The following ERC2 variants were observed in gnomAD, a reference collection of about 807,000 sequenced individuals.
ERC2 encodes the protein ELKS/RAB6-interacting/CAST family member 2.
In ERC2, 42 loss-of-function variants were observed where a neutral mutation model predicts 114.8. The observed-to-expected ratio is 0.37, with a 90% CI of 0.29 to 0.47. ERC2 has a LOEUF of 0.47. Ranked by LOEUF, ERC2 falls within the 20% of genes least tolerant of loss-of-function variation. The pLI is 0.99. For missense variants in ERC2, 939 were observed against 1,150.7 expected, an observed-to-expected ratio of 0.82 and a Z score of 2.66; for synonymous variants, 454 against 425.5, an observed-to-expected ratio of 1.07 and a Z score of -0.82.
At chr3:56,051,165 T>C (rs1343572603) in intron 7 of ERC2, among the ~76,000 whole-genome samples, 1 of 152,172 alleles carries the variant, frequency 6.6e-6, no homozygotes, top group African/African-American at 2.4e-5. Flanking sequence ...TTTGCTCTGC[T>C]TGTTGGGAAG....
intron 7 of ERC2, among the ~76,000 whole-genome samples, chr3:56,062,193 C>G: frequency 6.6e-6 from 1 of 152,242 alleles, no homozygotes; most frequent in South Asian, 2.1e-4. Context: ...ATGGTACTTA[C>G]ATGTAAGCTA....
rs559070127 is a variant in ERC2, at chr3:56,068,919, CA to C, written c.1641+11897del. 2.0e-4 allele frequency among the ~76,000 whole-genome samples: 31 copies of C among 152,268 alleles called. No individual in the cohort carries two copies. In the South Asian group the frequency reaches 6.2e-3, roughly 31 times the overall value. Reference sequence around the variant, plus strand: ...GTGGTCTGAGAGACTGTTATGATTTCAGTTCTTTTGCATTTGCTGAGGAGTG... The same window carrying C: ...GTGGTCTGAGAGACTGTTATGATTTCGTTCTTTTGCATTTGCTGAGGAGTG... On this transcript the variant is annotated intron_variant, in intron 7 of 17. Transcript: ENST00000288221.
chr3:55,698,940 C>A (rs537900873), intron 16 of ERC2, among the ~76,000 whole-genome samples: 112 of 152,298 alleles, frequency 7.4e-4, no homozygotes, highest in Non-Finnish European at 1.4e-3. Flanking sequence ...AAACGGATTT[C>A]TCTCCTTGTT....
At chr3:55,651,986 C>T (rs2590722) in intron 17 of ERC2, among the ~76,000 whole-genome samples, 139,583 of 152,264 alleles carry the variant, frequency 0.92, 64,180 homozygotes, top group East Asian at 1. Context: ...TCTGCTGTCC[C>T]AGAAAAGCTC....
intron 1 of ERC2, among the ~76,000 whole-genome samples, chr3:56,459,010 G>A (rs1210078192): frequency 6.6e-6 from 1 of 152,122 alleles, no homozygotes; most frequent in Admixed American, 6.5e-5. Context: ...ATGCCCACCA[G>A]TATCACTGAG....
At chr3:55,950,392 AT>A (rs1219765338) in intron 13 of ERC2, 32 bp downstream of exon 13, 1 of 1,610,850 alleles carries the variant, frequency 6.2e-7, no homozygotes, top group Non-Finnish European at 8.5e-7. Context: ...ATCTCTAGTT[AT>A]TTAGCGATTA....
chr3:56,302,711 T>G (rs2055962901), intron 2 of ERC2, among the ~76,000 whole-genome samples: 1 of 152,224 alleles, frequency 6.6e-6, no homozygotes, highest in South Asian at 2.1e-4. Context: ...TCTTGTTACC[T>G]ACAGCAAGTA....
intron 12 of ERC2, among the ~76,000 whole-genome samples, chr3:55,970,462 T>C (rs1394758701): frequency 6.6e-6 from 1 of 151,942 alleles, no homozygotes; most frequent in Non-Finnish European, 1.5e-5. Context: ...GGGTCTAGCA[T>C]CTAGAATATA....
At chr3:55,979,994 T>C (rs1449178331) in intron 12 of ERC2, among the ~76,000 whole-genome samples, 2 of 148,782 alleles carry the variant, frequency 1.3e-5, no homozygotes, top group Non-Finnish European at 3.0e-5. Flanking sequence ...TAGAGGCTCT[T>C]CAAGGGAAAA....
chr3:56,418,227 G>A (rs1341807587), intron 2 of ERC2, among the ~76,000 whole-genome samples: 1 of 148,960 alleles, frequency 6.7e-6, no homozygotes, highest in Non-Finnish European at 1.5e-5. Flanking sequence ...GAGCCCTGGA[G>A]ATCAAGGATG....
chr3:55,528,126 G>A (rs1245892019), intron 17 of ERC2, among the ~76,000 whole-genome samples: 1 of 152,062 alleles, frequency 6.6e-6, no homozygotes, highest in Non-Finnish European at 1.5e-5. Flanking sequence ...AGAACCTGAA[G>A]GAAATGGCCC....
intron 14 of ERC2, among the ~76,000 whole-genome samples, chr3:55,753,051 A>G (rs747488035): frequency 6.6e-6 from 1 of 152,156 alleles, no homozygotes; most frequent in Non-Finnish European, 1.5e-5. Context: ...GTTGCTAACC[A>G]AGTCCATGGG....
At position 55,836,084 on chromosome 3, in the gene ERC2, C is replaced by T. The variant is rs2060868606; in HGVS notation, c.2564+52305G>A. Among the ~76,000 whole-genome samples, 3 of 151,062 alleles carry T rather than the reference C, an allele frequency of 2.0e-5. No individual in the cohort carries two copies. The South Asian group carries it at 6.4e-4, about 32-fold the overall frequency. ...CCTCTTCAAGGAGAACTACAAACCA[C>T]TGCTCAATGAAATAAAAGAGGATAC... On this transcript the variant is annotated intron_variant, in intron 14 of 17. Transcript: ENST00000288221.
intron 2 of ERC2, among the ~76,000 whole-genome samples, chr3:56,372,862 T>G (rs1272929103): frequency 6.6e-6 from 1 of 152,202 alleles, no homozygotes; most frequent in Non-Finnish European, 1.5e-5. Flanking sequence ...TTAAAACCCA[T>G]ATTTGACTGA....
At chr3:55,738,046 C>T (rs146640295) in intron 14 of ERC2, among the ~76,000 whole-genome samples, 10 of 152,116 alleles carry the variant, frequency 6.6e-5, no homozygotes, top group African/African-American at 2.4e-4. Context: ...GGACTTGGAG[C>T]TAGGAAAATT....
chr3:56,098,006 A>G (rs1371681158), intron 6 of ERC2, among the ~76,000 whole-genome samples: 2 of 152,170 alleles, frequency 1.3e-5, no homozygotes, highest in Non-Finnish European at 1.5e-5. Context: ...TTTTATAGGG[A>G]GGGGGAAAAT....
At chr3:56,214,535 A>C (rs555460269) in intron 3 of ERC2, among the ~76,000 whole-genome samples, 185 of 152,264 alleles carry the variant, frequency 1.2e-3, no homozygotes, top group African/African-American at 4.4e-3. Context: ...CCTGAAAGTG[A>C]CGGGGAGAAT....
chr3:55,759,006 ATTC>A (rs1290889171), intron 14 of ERC2, among the ~76,000 whole-genome samples: 1 of 152,190 alleles, frequency 6.6e-6, no homozygotes, highest in Non-Finnish European at 1.5e-5. Flanking sequence ...ACTCTGACTA[ATTC>A]TTGATATTTT....
intron 3 of ERC2, among the ~76,000 whole-genome samples, chr3:56,215,554 AC>A (rs2049402543): frequency 6.6e-6 from 1 of 152,204 alleles, no homozygotes; most frequent in Non-Finnish European, 1.5e-5. Flanking sequence ...GGAGAGTTTG[AC>A]ACCCCACTGT....
Sources: gnomAD v4.1 joint callset for allele counts (sites outside exome capture counted in the v4.1 genomes callset) on GRCh38, gnomAD v4.1.1 for gene constraint, MANE v1.5 for transcripts, NCBI Gene and HGNC (gene_info 2026-07-23, HGNC 2026-07-21) for gene names.